NCOA2: variants seen among roughly 807,000 people sequenced by gnomAD.
NCOA2 encodes nuclear receptor coactivator 2.
NCOA2 carries 21 observed loss-of-function variants against 145.1 expected under a neutral mutation model. The observed-to-expected ratio is 0.14, with a 90% confidence interval of 0.10 to 0.21. NCOA2 has a LOEUF of 0.21. Ranked by LOEUF, NCOA2 falls within the 10% of genes least tolerant of loss-of-function variation. The pLI is 1.00. For missense variants in NCOA2, 1,472 were observed against 1,837.6 expected (o/e 0.80, Z 3.64); for synonymous variants, 619 against 637.5 (o/e 0.97, Z 0.44).
In NCOA2 at chr8:70,124,796, C is replaced by T. The variant is rs368000611; in HGVS notation, c.3986G>A (p.Arg1329Gln). Residue 1329 changes from arginine (R) to glutamine (Q), a missense_variant, in exon 20 of 23, where the codon CGA becomes CAA. Arg to Gln is a conservative substitution (Grantham distance 43). Around this residue, in one of 4 missense-constraint regions of NCOA2, gnomAD observed 232 missense variants for 290.6 expected, o/e 0.80. Coordinates refer to ENST00000452400, the MANE Select transcript of NCOA2 (RefSeq NM_006540.4). The stretch of plus-strand genomic sequence containing the variant: ...CATGGGACTCTGTGTATGTGCCATT[C>T]GGGGTGACATAAGTGGGCTCTGGGG... ...TTPQSPLMSP[R>Q]MAHTQSPMMQ... The T allele has an allele frequency of 1.8e-5, 29 of 1,612,988 alleles. No homozygotes were observed. Among genetic ancestry groups the T allele is most frequent in the Non-Finnish European group, 1.9e-5 (23 of 1,179,630 alleles).
At chr8:70,238,040 G>A (rs1184501480) in intron 2 of NCOA2, among the ~76,000 whole-genome samples, 1 of 152,026 alleles carries the variant, frequency 6.6e-6, no homozygotes, top group Non-Finnish European at 1.5e-5. Flanking sequence ...ACAAAACAAA[G>A]GCAAAATTAA....
At chr8:70,443,404 T>C in the NCOA2 span, among the ~76,000 whole-genome samples, 1 of 152,098 alleles carries the variant, frequency 6.6e-6, no homozygotes, top group Admixed American at 6.6e-5. Flanking sequence ...AGGTATAATA[T>C]ATTTATTATT....
At chr8:70,280,970 G>A (rs1825827061) in intron 2 of NCOA2, among the ~76,000 whole-genome samples, 1 of 151,934 alleles carries the variant, frequency 6.6e-6, no homozygotes, top group South Asian at 2.1e-4. Context: ...GGGGAAGGCA[G>A]AGGGCTGGGA....
At chr8:70,385,576 G>A (rs961699627) in intron 1 of NCOA2, among the ~76,000 whole-genome samples, 7 of 152,044 alleles carry the variant, frequency 4.6e-5, no homozygotes, top group Admixed American at 6.6e-5. Flanking sequence ...ACAGGTGCCC[G>A]CCACCTCACC....
intron 5 of NCOA2, among the ~76,000 whole-genome samples, chr8:70,171,124 G>A (rs1814204419): frequency 6.6e-6 from 1 of 152,160 alleles, no homozygotes; most frequent in African/African-American, 2.4e-5. Flanking sequence ...GCACGCTTCC[G>A]GTAATGAGTT....
chr8:70,205,001 T>G (rs1818288960), intron 4 of NCOA2, among the ~76,000 whole-genome samples: 1 of 152,008 alleles, frequency 6.6e-6, no homozygotes, highest in Non-Finnish European at 1.5e-5. Context: ...GAGCAAGACC[T>G]TGTCTCAAAA....
rs1184429329 is a variant in NCOA2 at position 70,206,112 on chromosome 8, C to T, written c.259+7791G>A. ...AAGGACTGGCAGCTAGTGGGCTCAGCCCAAGGGCTCTTATCTACAAATGTG... is the reference window on the plus strand; with the variant it reads ...AAGGACTGGCAGCTAGTGGGCTCAGTCCAAGGGCTCTTATCTACAAATGTG... On this transcript the variant is annotated intron_variant, in intron 4 of 22. Coordinates refer to ENST00000452400, the MANE Select transcript of NCOA2 (RefSeq NM_006540.4). 2.0e-5 allele frequency among the ~76,000 whole-genome samples: 3 copies of T among 152,208 alleles called. No individual in the cohort carries two copies. In the East Asian group the frequency reaches 5.8e-4, roughly 29 times the overall value.
intron 1 of NCOA2, among the ~76,000 whole-genome samples, chr8:70,299,127 T>A (rs539949457): frequency 6.6e-6 from 1 of 152,214 alleles, no homozygotes; most frequent in African/African-American, 2.4e-5. Flanking sequence ...GATACTAAAA[T>A]TTCCAAACAT....
intron 1 of NCOA2, among the ~76,000 whole-genome samples, chr8:70,326,759 C>G (rs1425589686): frequency 1.3e-5 from 2 of 152,122 alleles, no homozygotes; most frequent in African/African-American, 4.8e-5. Flanking sequence ...TCATGATCAT[C>G]CAGATGCATA....
At chr8:70,412,659 A>C in the NCOA2 span, among the ~76,000 whole-genome samples, 2 of 149,026 alleles carry the variant, frequency 1.3e-5, no homozygotes, top group African/African-American at 2.4e-5. Context: ...AAAAAAAAAA[A>C]AAAAAAAAAA....
At chr8:70,452,880 A>C in the NCOA2 span, among the ~76,000 whole-genome samples, 2 of 152,214 alleles carry the variant, frequency 1.3e-5, no homozygotes, top group Non-Finnish European at 2.9e-5. Flanking sequence ...GATTACAAAG[A>C]TTGCAAGGAA....
At chr8:70,307,583 T>G (rs1191066594) in intron 1 of NCOA2, among the ~76,000 whole-genome samples, 3 of 152,254 alleles carry the variant, frequency 2.0e-5, no homozygotes, top group Non-Finnish European at 2.9e-5. Flanking sequence ...TATTGCCATT[T>G]AATTTCAGGA....
rs1187602116 is a variant in NCOA2 at position 70,111,283 on chromosome 8, T to TA, written c.*2348dup. The TA allele has an allele frequency of 8.8e-6, 2 of 226,814 alleles. No individual in the cohort carries two copies. The highest frequency in any genetic ancestry group is 4.4e-5 in the African/African-American group (2 of 45,024). 14.1% of individuals were successfully genotyped at this position (226,814 alleles called of 1,614,324 possible). ...AGGTAGATAGTTTTGGACGGTGTTG[T>TA]AGTGAAAAGGGACTTGAAACTCAAA... On this transcript the variant is annotated 3_prime_UTR_variant, in exon 23 of 23. Transcript: ENST00000452400.
At chr8:70,208,076 T>G (rs1026051225) in intron 4 of NCOA2, among the ~76,000 whole-genome samples, 30 of 151,718 alleles carry the variant, frequency 2.0e-4, no homozygotes, top group African/African-American at 7.0e-4. Flanking sequence ...CCTAGTGAGA[T>G]CCCATCTCTG....
upstream of NCOA2, among the ~76,000 whole-genome samples, chr8:70,406,018 T>G (rs1428405223): frequency 2.0e-5 from 3 of 152,204 alleles, no homozygotes; most frequent in Admixed American, 1.3e-4. Context: ...CCCTCTGAAC[T>G]TCAGGCTCTT....
intron 1 of NCOA2, among the ~76,000 whole-genome samples, chr8:70,355,680 A>G (rs1563798826): frequency 6.6e-6 from 1 of 151,894 alleles, no homozygotes; most frequent in Admixed American, 6.6e-5. Context: ...AAGATTGGAC[A>G]CCCCTGCTCT....
At chr8:70,124,354 C>T (rs566871642) in intron 20 of NCOA2, among the ~76,000 whole-genome samples, 2 of 151,198 alleles carry the variant, frequency 1.3e-5, no homozygotes, top group African/African-American at 4.8e-5. Flanking sequence ...TCCTTTCTTT[C>T]TTTCTGTTTT....
chr8:70,208,678 T>C (rs142360452), intron 4 of NCOA2, among the ~76,000 whole-genome samples: 2 of 152,338 alleles, frequency 1.3e-5, no homozygotes, highest in East Asian at 1.9e-4. Context: ...ATAAGAATAA[T>C]GCTAAATCTA....
rs1806499471 is a variant in NCOA2, at chr8:70,111,106, A to C, written c.*2526T>G. 1 of 220,172 alleles carries C rather than the reference A, an allele frequency of 4.5e-6. No individual in the cohort carries two copies. Among genetic ancestry groups the C allele is most frequent in the Non-Finnish European group, 9.1e-6 (1 of 109,952 alleles). 13.6% of individuals were successfully genotyped at this position (220,172 alleles called of 1,614,324 possible). On this transcript the variant is annotated 3_prime_UTR_variant, in exon 23 of 23. Coordinates refer to ENST00000452400, the MANE Select transcript of NCOA2 (RefSeq NM_006540.4). ...GATGTAAAACAAAATCCATTACCTG[A>C]TTGAAACCGTAAGAGAATTTATCAT... is the stretch of plus-strand genomic sequence containing the variant.
Sources: allele counts gnomAD v4.1 joint callset (sites outside exome capture counted in the v4.1 genomes callset), GRCh38; gene constraint gnomAD v4.1.1; regional missense constraint gnomAD v4.1.1; transcripts MANE v1.5; gene names NCBI Gene and HGNC (gene_info 2026-07-23, HGNC 2026-07-21).